FAM193A: variants seen among roughly 807,000 people sequenced by gnomAD.
FAM193A encodes family with sequence similarity 193 member A, also known as protein FAM193A.
Under a neutral mutation model 126.5 loss-of-function variants are expected in FAM193A, and 22 were observed. The ratio of observed to expected loss-of-function variants is 0.17; its 90% confidence interval spans 0.12 to 0.25. FAM193A has a LOEUF of 0.25. Ranked by LOEUF, FAM193A falls within the 10% of genes least tolerant of loss-of-function variation. The pLI is 1.00. For synonymous variants in FAM193A, 761 were observed against 646.8 expected, an observed-to-expected ratio of 1.18 and a Z score of -2.68; for missense variants, 1,675 against 1,672.8, an observed-to-expected ratio of 1.00 and a Z score of -0.02.
chr4:2,672,719 CTT>C (rs1713961148), intron 13 of FAM193A, among the ~76,000 whole-genome samples: 1 of 152,184 alleles, frequency 6.6e-6, no homozygotes, highest in South Asian at 2.1e-4. Context: ...GCTTGCTCTT[CTT>C]CTTAATTTGA....
chr4:2,684,774 CT>C (rs1336512054), intron 13 of FAM193A, among the ~76,000 whole-genome samples: 1 of 152,188 alleles, frequency 6.6e-6, no homozygotes, highest in Non-Finnish European at 1.5e-5. Flanking sequence ...CCTCCTGATA[CT>C]TCTTTTCATC....
At chr4:2,658,523 A>G (rs575670500) in intron 8 of FAM193A, among the ~76,000 whole-genome samples, 1 of 152,182 alleles carries the variant, frequency 6.6e-6, no homozygotes. Flanking sequence ...TCCACGTGCC[A>G]CATCGACTCT....
chr4:2,712,781 G>T (rs1047289037), intron 19 of FAM193A, among the ~76,000 whole-genome samples: 1 of 151,860 alleles, frequency 6.6e-6, no homozygotes, highest in Non-Finnish European at 1.5e-5. Flanking sequence ...AAAATGTGTT[G>T]TGGGGTTTTT....
intron 1 of FAM193A, among the ~76,000 whole-genome samples, chr4:2,571,211 T>G (rs996563305): frequency 6.6e-6 from 1 of 152,192 alleles, no homozygotes; most frequent in Non-Finnish European, 1.5e-5. Context: ...TGGACCAAAT[T>G]ATGTTTTTAT....
chr4:2,652,899 G>T (rs1340411985), intron 7 of FAM193A, among the ~76,000 whole-genome samples: 1 of 152,242 alleles, frequency 6.6e-6, no homozygotes, highest in Non-Finnish European at 1.5e-5. Context: ...CGAGTGCTGT[G>T]CCAAACCCCG....
chr4:2,550,798 TA>T lies in FAM193A; in HGVS notation c.255+13629del, dbSNP rs1243745727. 2.0e-5 allele frequency among the ~76,000 whole-genome samples: 3 copies of T among 148,818 alleles called. No individual in the cohort carries two copies. The East Asian group carries it at 5.9e-4, about 29-fold the overall frequency. ...TTATTTATTTATTTATTTATTTATTTATTTATTTATTTATTTATTTAGAGAT... is the reference window on the plus strand; with the variant it reads ...TTATTTATTTATTTATTTATTTATTTTTTATTTATTTATTTATTTAGAGAT... On this transcript the variant is annotated intron_variant, in intron 1 of 20. Transcript: ENST00000637812.
At chr4:2,647,333 A>G (rs1167632968) in intron 7 of FAM193A, among the ~76,000 whole-genome samples, 2 of 151,672 alleles carry the variant, frequency 1.3e-5, no homozygotes, top group Non-Finnish European at 2.9e-5. Context: ...TTTAGTAGAG[A>G]CAGGGTTTCT....
chr4:2,587,823 G>A (rs559361849), intron 1 of FAM193A, among the ~76,000 whole-genome samples: 12 of 152,330 alleles, frequency 7.9e-5, no homozygotes, highest in Non-Finnish European at 1.6e-4. Context: ...GTGCTACTGA[G>A]AGGAGATCGT....
chr4:2,690,855 A>G lies in FAM193A; in HGVS notation c.2688A>G (p.Ala896=), dbSNP rs779297804. 30 of 1,614,118 alleles carry G rather than the reference A, an allele frequency of 1.9e-5. No homozygotes were observed. The highest frequency in any genetic ancestry group is 2.5e-5 in the Non-Finnish European group (29 of 1,180,050). Residue 896 remains alanine (A), a synonymous_variant, in exon 15 of 21, where the codon GCA becomes GCG. Coordinates refer to ENST00000637812, the MANE Select transcript of FAM193A (RefSeq NM_001366318.2). ...LYNFQDAFME[A]NKVVMATSSA... is the part of the protein sequence containing the mutation. The stretch of plus-strand genomic sequence containing the variant: ...ATTTCCAAGATGCTTTCATGGAAGC[A>G]AATAAAGTTGTCATGGCCACGTCAT...
intron 2 of FAM193A, chr4:2,608,257 C>T (rs951040061): frequency 2.3e-5 from 17 of 738,624 alleles, no homozygotes; most frequent in Admixed American, 6.0e-5. Context: ...TGATTCTCTG[C>T]AGCCTTCACC....
intron 7 of FAM193A, among the ~76,000 whole-genome samples, chr4:2,650,326 G>A (rs141926929): frequency 0.012 from 1,761 of 152,254 alleles, 15 homozygotes; most frequent in South Asian, 0.026. Flanking sequence ...ACGCAGGGTG[G>A]TTTATTGAGA....
chr4:2,652,889 C>T lies in FAM193A; in HGVS notation c.1312-4914C>T, dbSNP rs117838804. Among the ~76,000 whole-genome samples the T allele has an allele frequency of 4.7e-4, 71 of 152,286 alleles. 1 individual carries two copies. In the East Asian group the frequency reaches 0.012, roughly 26 times the overall value. ...AAAGAGAAGGAAGATGAACCGTTAC[C>T]GAGTGCTGTGCCAAACCCCGTGTGG... On this transcript the variant is annotated intron_variant, in intron 7 of 20. Coordinates refer to ENST00000637812, the MANE Select transcript of FAM193A (RefSeq NM_001366318.2).
chr4:2,692,809 G>C (rs1411193798), intron 15 of FAM193A, among the ~76,000 whole-genome samples: 1 of 149,930 alleles, frequency 6.7e-6, no homozygotes, highest in Non-Finnish European at 1.5e-5. Flanking sequence ...TTAAATGCCA[G>C]TGAGGTGATC....
At chr4:2,629,134 C>T (rs1201985191) in intron 4 of FAM193A, among the ~76,000 whole-genome samples, 1 of 151,384 alleles carries the variant, frequency 6.6e-6, no homozygotes, top group African/African-American at 2.4e-5. Context: ...GCCCCGCTGC[C>T]TTCTTTTTAT....
At position 2,696,440 on chromosome 4, in the gene FAM193A, G is replaced by C; in HGVS notation, c.3354G>C (p.Glu1118Asp). 6.2e-7 allele frequency: 1 copy of C among 1,614,190 alleles called. No individual in the cohort carries two copies. Among genetic ancestry groups the C allele is most frequent in the Non-Finnish European group, 8.5e-7 (1 of 1,180,022 alleles). ...KLRLRLTKRK[E>D]EQPKKMDQIS... The stretch of plus-strand genomic sequence containing the variant: ...GCTTACGGCTGACCAAGAGGAAAGA[G>C]GAGCAACCTAAAAAAATGGACCAGA... The change falls in exon 18 of 21, where the codon GAG (glutamate) becomes GAC (aspartate). Residue 1118 changes from glutamate (E) to aspartate (D), a missense_variant. Transcript: ENST00000637812.
At chr4:2,714,673 G>A (rs974096642) in intron 19 of FAM193A, among the ~76,000 whole-genome samples, 1 of 152,160 alleles carries the variant, frequency 6.6e-6, no homozygotes, top group African/African-American at 2.4e-5. Context: ...CTTGCCTGGT[G>A]CTGTGTGAGT....
At chr4:2,587,892 A>G (rs1233820074) in intron 1 of FAM193A, among the ~76,000 whole-genome samples, 1 of 152,102 alleles carries the variant, frequency 6.6e-6, no homozygotes, top group Non-Finnish European at 1.5e-5. Flanking sequence ...GATGCAGGAA[A>G]GAAAGAGAAA....
chr4:2,626,332 T>C, intron 3 of FAM193A, 78 bp from the exon 4 acceptor site: 1 of 652,130 alleles, frequency 1.5e-6, no homozygotes, highest in Admixed American at 2.1e-5. Context: ...GCCTGGGAGG[T>C]CCTCTGAGGA....
intron 2 of FAM193A, among the ~76,000 whole-genome samples, chr4:2,621,868 A>T (rs1742564288): frequency 6.6e-6 from 1 of 152,078 alleles, no homozygotes; most frequent in Non-Finnish European, 1.5e-5. Flanking sequence ...TCCTTGCCCT[A>T]CCATGCCTCT....
Sources: gnomAD v4.1 joint callset for allele counts (sites outside exome capture counted in the v4.1 genomes callset) on GRCh38, gnomAD v4.1.1 for gene constraint, MANE v1.5 for transcripts, NCBI Gene and HGNC (gene_info 2026-07-23, HGNC 2026-07-21) for gene names.